Variants in TAF15 observed in about 807,000 individuals in gnomAD.
TAF15 encodes the protein TATA-binding protein-associated factor 2N.
Under a neutral mutation model 102.5 loss-of-function variants are expected in TAF15, and 37 were observed. The observed-to-expected ratio is 0.36, with a 90% CI of 0.28 to 0.47. The LOEUF (loss-of-function observed/expected upper bound fraction) is 0.47, where lower values mean the gene tolerates loss of function less well. Among genes scored for constraint, TAF15 ranks in the 20% least tolerant of loss-of-function variants. TAF15 has a pLI of 0.99. For synonymous variants in TAF15, 273 were observed against 259.2 expected (o/e 1.05, Z -0.51); for missense variants, 652 against 760.7 (o/e 0.86, Z 1.68).
intron 9 of TAF15, among the ~76,000 whole-genome samples, chr17:35,835,040 G>A (rs1373701220): frequency 1.3e-5 from 2 of 151,814 alleles, no homozygotes; most frequent in South Asian, 2.1e-4. Flanking sequence ...CACCACGCCC[G>A]GCTGGGGAGC....
At chr17:35,817,838 C>T in intron 2 of TAF15, 83 bp downstream of exon 2, 11 of 1,199,184 alleles carry the variant, frequency 9.2e-6, no homozygotes, top group Non-Finnish European at 1.4e-5. Context: ...AGACTTGATG[C>T]TGGATGTCAT....
intron 6 of TAF15, chr17:35,823,617 A>ACTGT (rs2087290263): frequency 5.5e-6 from 1 of 181,128 alleles, no homozygotes; most frequent in African/African-American, 2.4e-5. Context: ...AGGCAGGAGA[A>ACTGT]TGGCGTGAAC....
intron 1 of TAF15, among the ~76,000 whole-genome samples, chr17:35,814,144 C>G (rs977094445): frequency 7.9e-5 from 12 of 151,748 alleles, no homozygotes; most frequent in African/African-American, 2.9e-4. Context: ...TCAGCTCAAG[C>G]AATTTGCAAA....
intron 8 of TAF15, 62 bp from the exon 9 acceptor site, chr17:35,834,504 T>A: frequency 1.3e-6 from 2 of 1,538,354 alleles, no homozygotes; most frequent in Non-Finnish European, 9.0e-7. Context: ...TTACTATTTT[T>A]TTTGTTAATG....
intron 1 of TAF15, among the ~76,000 whole-genome samples, chr17:35,814,347 T>C (rs2087167230): frequency 6.6e-6 from 1 of 152,000 alleles, no homozygotes. Flanking sequence ...TTTCTGTATT[T>C]TTAGTAGAGA....
intron 8 of TAF15, 195 bp downstream of exon 8, chr17:35,834,136 G>T (rs1050378422): frequency 5.4e-6 from 2 of 367,138 alleles, no homozygotes; most frequent in Non-Finnish European, 9.4e-6. Context: ...AGCCAAAGTT[G>T]ATCTCAAAAC....
In TAF15 at chr17:35,847,090, G is replaced by C. The variant is rs2087632815; in HGVS notation, c.*145G>C. The C allele has an allele frequency of 2.6e-6, 2 of 755,682 alleles. No individual in the cohort carries two copies. Among genetic ancestry groups the C allele is most frequent in the East Asian group, 5.3e-5 (2 of 38,092 alleles). 46.8% of individuals were successfully genotyped at this position (755,682 alleles called of 1,614,324 possible). ...TTATTTGGGTGGGAGGGCTGGGACA[G>C]TTTTTCTTCTAGAAATGTCTGTTGA... On this transcript the variant is annotated 3_prime_UTR_variant, in exon 16 of 16. Coordinates refer to ENST00000605844, the MANE Select transcript of TAF15 (RefSeq NM_139215.3).
chr17:35,841,963 G>A (rs143912277), intron 11 of TAF15, among the ~76,000 whole-genome samples: 1 of 151,978 alleles, frequency 6.6e-6, no homozygotes, highest in East Asian at 1.9e-4. Context: ...CTCCAAAAGT[G>A]CTGAGATTAC....
At chr17:35,843,034 A>G (rs573945297) in intron 12 of TAF15, among the ~76,000 whole-genome samples, 7 of 151,898 alleles carry the variant, frequency 4.6e-5, no homozygotes, top group East Asian at 1.9e-4. Flanking sequence ...TGGCGAGGCA[A>G]TTGTTTTAAT....
At chr17:35,818,851 G>A (rs190958664) in intron 2 of TAF15, 1 of 151,872 alleles carries the variant, frequency 6.6e-6, no homozygotes, top group Non-Finnish European at 1.5e-5. Flanking sequence ...GAACTCAACA[G>A]TTGTTTTAGA....
intron 1 of TAF15, chr17:35,817,148 T>C (rs1488047409): frequency 2.6e-5 from 4 of 152,828 alleles, no homozygotes; most frequent in African/African-American, 4.8e-5. Flanking sequence ...AAGCAGGTAT[T>C]GCTGACTTGC....
rs1408923469 is a variant in TAF15, at chr17:35,824,151, G to T, written c.558G>T (p.Gly186=). The T allele has an allele frequency of 1.9e-6, 3 of 1,613,942 alleles. No individual in the cohort carries two copies. The highest frequency in any genetic ancestry group is 1.7e-5 in the Admixed American group (1 of 59,980). ...GCGGGTCACAGGGAGGAGGTAGAGG[G>T]CGTGGGGGATATGACAAGGATGGAA... The part of the protein sequence containing the change: ...GYGGSQGGGR[G]RGGYDKDGRG... The change falls in exon 7 of 16, where the codon GGG becomes GGT. Residue 186 remains glycine, a synonymous_variant. Transcript: ENST00000605844.
Position 35,822,843 on chromosome 17 carries a change from A to T in TAF15, c.484+10A>T. On this transcript the variant is annotated intron_variant, in intron 6 of 15. Transcript: ENST00000605844. ...AGCCACCACACACAAGGTAAGATTT[A>T]CTGACCTCTATTATTATTTTTCCCC... is the stretch of plus-strand genomic sequence containing the variant. 6.2e-7 allele frequency: 1 copy of T among 1,613,532 alleles called. No individual in the cohort carries two copies. Among genetic ancestry groups the T allele is most frequent in the Non-Finnish European group, 8.5e-7 (1 of 1,179,404 alleles).
At chr17:35,822,344 C>CAAA (rs909362495) in intron 5 of TAF15, among the ~76,000 whole-genome samples, 3 of 67,522 alleles carry the variant, frequency 4.4e-5, no homozygotes, top group East Asian at 4.4e-4. Context: ...ACCTCTGTCT[C>CAAA]AAAAAAAAAA....
rs534057802 is a variant in TAF15 at position 35,809,671 on chromosome 17, C to T, written c.7+95C>T. 1.3e-5 allele frequency: 21 copies of T among 1,573,284 alleles called. 1 individual carries two copies. Among genetic ancestry groups the T allele is most frequent in the South Asian group, 1.0e-4 (9 of 89,918 alleles). On this transcript the variant is annotated intron_variant, in intron 1 of 15. Transcript: ENST00000605844. ...CCACCGGAGGGCCCTGAGGAGAAGC[C>T]TCCGGCCCTGAGGGAGGCTTGGGGT... is the stretch of plus-strand genomic sequence containing the variant.
At chr17:35,824,003 G>A in intron 6 of TAF15, 75 bp from the exon 7 acceptor site, 1 of 1,594,092 alleles carries the variant, frequency 6.3e-7, no homozygotes, top group South Asian at 1.1e-5. Context: ...GTGGCCTAAA[G>A]AGCCATTTAA....
intron 7 of TAF15, among the ~76,000 whole-genome samples, chr17:35,825,073 A>G (rs938246249): frequency 2.6e-5 from 4 of 152,186 alleles, no homozygotes; most frequent in African/African-American, 4.8e-5. Flanking sequence ...TATCAGTCAT[A>G]TATCAGCACC....
chr17:35,842,677 A>G lies in TAF15; in HGVS notation c.1006+218A>G, dbSNP rs550760014. Among the ~76,000 whole-genome samples, 4 of 152,290 alleles carry G rather than the reference A, an allele frequency of 2.6e-5. No homozygotes were observed. In the East Asian group the frequency reaches 7.7e-4, roughly 29 times the overall value. ...AAATGGTTGTAGAAATCCCTTTGGAAAGCTTTATTGTGATTTGCTGTTCAC... is the reference window on the plus strand; with the variant it reads ...AAATGGTTGTAGAAATCCCTTTGGAGAGCTTTATTGTGATTTGCTGTTCAC... On this transcript the variant is annotated intron_variant, in intron 12 of 15. Coordinates refer to ENST00000605844, the MANE Select transcript of TAF15 (RefSeq NM_139215.3).
intron 11 of TAF15, among the ~76,000 whole-genome samples, chr17:35,840,442 A>G (rs953879702): frequency 2.0e-5 from 3 of 150,212 alleles, no homozygotes; most frequent in African/African-American, 4.9e-5. Flanking sequence ...TAGCAGAGAC[A>G]GGGGTTTCAC....
Sources: allele counts gnomAD v4.1 joint callset (sites outside exome capture counted in the v4.1 genomes callset), GRCh38; gene constraint gnomAD v4.1.1; transcripts MANE v1.5; gene names NCBI Gene and HGNC (gene_info 2026-07-23, HGNC 2026-07-21).